Variants in CADPS2 observed in about 807,000 individuals in gnomAD.
The protein encoded by CADPS2 is calcium-dependent secretion activator 2.
A neutral mutation model predicts 172.5 loss-of-function variants in CADPS2; 93 were observed. The ratio of observed to expected loss-of-function variants is 0.54; its 90% confidence interval spans 0.46 to 0.64. CADPS2 has a LOEUF of 0.64. Ranked by LOEUF, CADPS2 falls within the 30% of genes least tolerant of loss-of-function variation. The pLI is 0.00. For synonymous variants in CADPS2, 546 were observed against 555.2 expected (o/e 0.98, Z 0.23); for missense variants, 1,420 against 1,565.9 (o/e 0.91, Z 1.57).
chr7:122,758,776 C>T (rs1464326322), intron 1 of CADPS2, among the ~76,000 whole-genome samples: 2 of 152,070 alleles, frequency 1.3e-5, no homozygotes, highest in Non-Finnish European at 2.9e-5. Context: ...AATTATTTTT[C>T]TACCATGAAA....
intron 12 of CADPS2, among the ~76,000 whole-genome samples, chr7:122,475,685 T>C (rs1026473319): frequency 1.3e-5 from 2 of 152,194 alleles, no homozygotes; most frequent in Admixed American, 1.3e-4. Context: ...GCCATATTTG[T>C]AGATGGAAGA....
intron 9 of CADPS2, among the ~76,000 whole-genome samples, chr7:122,502,732 T>C (rs1586682138): frequency 6.6e-6 from 1 of 152,152 alleles, no homozygotes; most frequent in African/African-American, 2.4e-5. Context: ...CCATATGCGT[T>C]TATTTCATTA....
chr7:122,448,248 C>A (rs2052563972), intron 15 of CADPS2, among the ~76,000 whole-genome samples: 1 of 151,976 alleles, frequency 6.6e-6, no homozygotes, highest in Non-Finnish European at 1.5e-5. Context: ...TTTTTTAATC[C>A]TTAAGTTTCT....
chr7:122,480,784 T>G, intron 12 of CADPS2, 68 bp downstream of exon 12: 1 of 1,065,536 alleles, frequency 9.4e-7, no homozygotes, highest in Non-Finnish European at 1.4e-6. Context: ...GATCATGATA[T>G]TCCTCAAACA....
At chr7:122,338,968 T>G (rs1166397552) in intron 28 of CADPS2, 1 of 151,612 alleles carries the variant, frequency 6.6e-6, no homozygotes, top group Non-Finnish European at 1.5e-5. Context: ...TCTTGCAATG[T>G]TGCTCAGGCT....
intron 2 of CADPS2, among the ~76,000 whole-genome samples, chr7:122,680,068 T>A (rs990798445): frequency 1.8e-4 from 28 of 152,212 alleles, no homozygotes; most frequent in African/African-American, 6.8e-4. Flanking sequence ...TATGTTAGAT[T>A]TCTCTGTCAT....
chr7:122,588,226 T>C (rs1399726048), intron 6 of CADPS2, among the ~76,000 whole-genome samples: 1 of 152,148 alleles, frequency 6.6e-6, no homozygotes, highest in African/African-American at 2.4e-5. Flanking sequence ...TTAGATGCCA[T>C]TTGTCAATTT....
At chr7:122,565,110 A>C (rs1206292651) in intron 7 of CADPS2, among the ~76,000 whole-genome samples, 2 of 152,040 alleles carry the variant, frequency 1.3e-5, no homozygotes, top group African/African-American at 4.8e-5. Flanking sequence ...GCACTGAAAA[A>C]TTACTTACTC....
At chr7:122,413,458 C>T (rs185165872) in intron 19 of CADPS2, among the ~76,000 whole-genome samples, 37 of 152,274 alleles carry the variant, frequency 2.4e-4, no homozygotes, top group African/African-American at 8.7e-4. Context: ...ACCTGCTTAA[C>T]TGAGAAATTG....
At chr7:122,355,794 C>T (rs2039319694) in intron 27 of CADPS2, among the ~76,000 whole-genome samples, 1 of 152,124 alleles carries the variant, frequency 6.6e-6, no homozygotes, top group South Asian at 2.1e-4. Context: ...CTTATTCACT[C>T]ATTTTATAGA....
intron 7 of CADPS2, among the ~76,000 whole-genome samples, chr7:122,558,334 T>A (rs2065285873): frequency 6.6e-6 from 1 of 152,222 alleles, no homozygotes; most frequent in East Asian, 1.9e-4. Context: ...TTCTGTATCC[T>A]AAATTCGCAT....
chr7:122,645,481 ATT>A (rs1222092686), intron 3 of CADPS2, among the ~76,000 whole-genome samples: 15 of 103,570 alleles, frequency 1.4e-4, no homozygotes, highest in South Asian at 2.9e-4. Context: ...ATGTATATAT[ATT>A]TAGCGTATAT....
chr7:122,767,369 T>C (rs1427255601), intron 1 of CADPS2, among the ~76,000 whole-genome samples: 1 of 152,172 alleles, frequency 6.6e-6, no homozygotes. Flanking sequence ...GTGATAGAGC[T>C]GGGATTCAAA....
intron 8 of CADPS2, among the ~76,000 whole-genome samples, chr7:122,541,499 C>T (rs1214345732): frequency 7.6e-6 from 1 of 130,906 alleles, no homozygotes; most frequent in Non-Finnish European, 1.6e-5. Context: ...TGTCATTGTG[C>T]CCAGCCAATT....
At chr7:122,404,420 CTTT>C (rs2046371678) in intron 20 of CADPS2, among the ~76,000 whole-genome samples, 1 of 152,116 alleles carries the variant, frequency 6.6e-6, no homozygotes, top group African/African-American at 2.4e-5. Flanking sequence ...GGTTCCAAGT[CTTT>C]GCTATTGTGA....
chr7:122,593,722 T>G (rs1396161280), intron 6 of CADPS2, among the ~76,000 whole-genome samples: 2 of 147,752 alleles, frequency 1.4e-5, no homozygotes, highest in Non-Finnish European at 3.0e-5. Flanking sequence ...ATCCAGACAA[T>G]ATGAAAAAAA....
At chr7:122,516,539 T>C (rs1480623696) in intron 8 of CADPS2, among the ~76,000 whole-genome samples, 4 of 151,924 alleles carry the variant, frequency 2.6e-5, no homozygotes, top group African/African-American at 9.7e-5. Context: ...TCCTGTCTCT[T>C]AGAGTAAATA....
At chr7:122,606,164 C>T (rs537891586) in intron 6 of CADPS2, among the ~76,000 whole-genome samples, 8 of 152,080 alleles carry the variant, frequency 5.3e-5, no homozygotes, top group Admixed American at 6.5e-5. Context: ...TACACATTTG[C>T]CTTTTGAACG....
chr7:122,359,573 G>A (rs2039868138), intron 27 of CADPS2, among the ~76,000 whole-genome samples: 1 of 152,068 alleles, frequency 6.6e-6, no homozygotes, highest in Admixed American at 6.5e-5. Flanking sequence ...AACTATGTGT[G>A]TTACAAAGTC....
Sources: allele counts gnomAD v4.1 joint callset (sites outside exome capture counted in the v4.1 genomes callset), GRCh38; gene constraint gnomAD v4.1.1; transcripts MANE v1.5; gene names NCBI Gene and HGNC (gene_info 2026-07-23, HGNC 2026-07-21).